The following LARP4B variants were observed in gnomAD, a reference collection of about 807,000 sequenced individuals.
LARP4B encodes La ribonucleoprotein 4B.
A neutral mutation model predicts 89.8 loss-of-function variants in LARP4B; 12 were observed. The ratio of observed to expected loss-of-function variants is 0.13; its 90% CI spans 0.09 to 0.22. LARP4B has a LOEUF of 0.22. Ranked by LOEUF, LARP4B falls within the 10% of genes least tolerant of loss-of-function variation. The pLI is 1.00. For synonymous variants in LARP4B, 367 were observed against 363.3 expected (o/e 1.01, Z -0.12); for missense variants, 757 against 947.7 (o/e 0.80, Z 2.64).
intron 3 of LARP4B, among the ~76,000 whole-genome samples, chr10:874,848 A>T (rs1300934119): frequency 6.6e-6 from 1 of 152,226 alleles, no homozygotes; most frequent in African/African-American, 2.4e-5. Flanking sequence ...CATCATAATG[A>T]TTATGATGAT....
chr10:864,235 A>G lies in LARP4B; in HGVS notation c.177T>C (p.Asn59=). Residue 59 remains asparagine, a synonymous_variant, in exon 4 of 18, where the codon AAT becomes AAC. Transcript: ENST00000316157. ...PATKVSELNP[N]AEVWGAPVLH... is the part of the protein sequence containing the mutation. ...ACACAGGAGCCCCCCACACTTCTGC[A>G]TTAGGGTTCAGCTCTGAAACCTTAG... 1.2e-6 allele frequency: 2 copies of G among 1,614,224 alleles called. No individual in the cohort carries two copies. Among genetic ancestry groups the G allele is most frequent in the Non-Finnish European group, 1.7e-6 (2 of 1,180,036 alleles).
intron 1 of LARP4B, among the ~76,000 whole-genome samples, chr10:888,255 G>A (rs61830933): frequency 0.11 from 16,067 of 152,000 alleles, 1,136 homozygotes; most frequent in Non-Finnish European, 0.16. Context: ...GAGAGAGACA[G>A]AGGTTGCAGT....
the LARP4B span, among the ~76,000 whole-genome samples, chr10:939,090 C>T: frequency 1.3e-4 from 20 of 152,190 alleles, no homozygotes; most frequent in Non-Finnish European, 2.6e-4. Context: ...GATTTTAATT[C>T]GTCATAGACA....
At chr10:944,529 A>G in the LARP4B span, among the ~76,000 whole-genome samples, 1 of 152,158 alleles carries the variant, frequency 6.6e-6, no homozygotes, top group Non-Finnish European at 1.5e-5. Context: ...ATGCTGCTGT[A>G]GGTATGAAGA....
chr10:855,537 G>A (rs554480171), intron 5 of LARP4B, among the ~76,000 whole-genome samples: 4 of 152,206 alleles, frequency 2.6e-5, no homozygotes, highest in South Asian at 4.2e-4. Flanking sequence ...GAACACACAC[G>A]TCATTTATAT....
chr10:946,255 C>A, the LARP4B span, among the ~76,000 whole-genome samples: 1 of 152,196 alleles, frequency 6.6e-6, no homozygotes, highest in African/African-American at 2.4e-5. Context: ...ATAAAAATGA[C>A]CTTTTAAACA....
chr10:912,959 T>C (rs1029594071), intron 1 of LARP4B, among the ~76,000 whole-genome samples: 7 of 152,234 alleles, frequency 4.6e-5, no homozygotes, highest in Non-Finnish European at 1.0e-4. Context: ...TCTCCCTTCC[T>C]GCACTCAAGC....
chr10:833,707 T>C (rs573703742), intron 8 of LARP4B, among the ~76,000 whole-genome samples: 16 of 152,128 alleles, frequency 1.1e-4, no homozygotes, highest in African/African-American at 3.1e-4. Context: ...CTGGCCAACA[T>C]TGTGAAACTC....
chr10:971,768 G>C, the LARP4B span: 1 of 152,420 alleles, frequency 6.6e-6, no homozygotes, highest in African/African-American at 2.4e-5. Flanking sequence ...TCTATTTGCT[G>C]AGGGCGCTTC....
chr10:951,247 T>C, the LARP4B span, among the ~76,000 whole-genome samples: 5 of 152,166 alleles, frequency 3.3e-5, no homozygotes, highest in Non-Finnish European at 4.4e-5. Flanking sequence ...CCTTTATTTC[T>C]ATTTTTTAAC....
chr10:815,048 A>T lies in LARP4B; in HGVS notation c.1718T>A (p.Val573Glu), dbSNP rs1451387602. 32 of 1,597,028 alleles carry T rather than the reference A, an allele frequency of 2.0e-5. No homozygotes were observed. Among genetic ancestry groups the T allele is most frequent in the Non-Finnish European group, 2.6e-5 (31 of 1,169,862 alleles). ...GGAGACCACTACAGGAAGGGTGTTCACGCTTGCGTCTGCACTGAGGGTCTG... is the reference window on the plus strand; with the variant it reads ...GGAGACCACTACAGGAAGGGTGTTCTCGCTTGCGTCTGCACTGAGGGTCTG... ...KERTLSADASVNTLPVVVSRE... is the reference protein window; with the variant it reads ...KERTLSADASENTLPVVVSRE... Residue 573 changes from valine to glutamate, a missense_variant, in exon 16 of 18, where the codon GTG becomes GAG. Physicochemically the swap from Val to Glu is moderately radical, Grantham distance 121. Coordinates refer to ENST00000316157, the MANE Select transcript of LARP4B (RefSeq NM_015155.3).
the LARP4B span, among the ~76,000 whole-genome samples, chr10:955,889 A>C: frequency 6.6e-6 from 1 of 151,368 alleles, no homozygotes; most frequent in African/African-American, 2.4e-5. This position sits in a 1 kb window ranked among gnomAD's most constrained non-coding sequence, Gnocchi z 5.2. Context: ...TCCTCCTCTC[A>C]CTCCCACCTG....
In LARP4B at chr10:862,267, A is replaced by AC. The variant is rs950008646; in HGVS notation, c.430+1475_430+1476insG. On this transcript the variant is annotated intron_variant, in intron 5 of 17. Coordinates refer to ENST00000316157, the MANE Select transcript of LARP4B (RefSeq NM_015155.3). ...AGCTCCACTGAAGTTAAAAAAAAAA[A>AC]AAAAAAAAAAAAAACAACCGTCACA... 6.0e-5 allele frequency among the ~76,000 whole-genome samples: 9 copies of AC among 149,284 alleles called. 1 individual carries two copies. The highest frequency in any genetic ancestry group is 5.8e-4 in the East Asian group (3 of 5,190).
chr10:847,152 G>C (rs2131751622), intron 5 of LARP4B, among the ~76,000 whole-genome samples: 1 of 152,288 alleles, frequency 6.6e-6, no homozygotes, highest in South Asian at 2.1e-4. Flanking sequence ...ACAGCAAGCA[G>C]ACAGCTGAAG....
chr10:862,218 A>G (rs1294943968), intron 5 of LARP4B, among the ~76,000 whole-genome samples: 2 of 148,980 alleles, frequency 1.3e-5, no homozygotes, highest in African/African-American at 5.0e-5. Context: ...GATTCATTTT[A>G]CCAAACAATT....
intron 5 of LARP4B, among the ~76,000 whole-genome samples, chr10:846,569 C>T (rs941653664): frequency 7.2e-5 from 11 of 152,078 alleles, no homozygotes; most frequent in Admixed American, 6.5e-4. Flanking sequence ...GTGACAGACA[C>T]AGTAAGAAAT....
chr10:829,817 A>G (rs1588872732), intron 9 of LARP4B, 83 bp from the exon 10 acceptor site: 2 of 885,178 alleles, frequency 2.3e-6, no homozygotes, highest in Non-Finnish European at 3.8e-6. Flanking sequence ...TAGCTCAAAT[A>G]GGGAAATATA....
chr10:848,175 C>A (rs1253242725), intron 5 of LARP4B, among the ~76,000 whole-genome samples: 9 of 152,108 alleles, frequency 5.9e-5, no homozygotes, highest in African/African-American at 2.2e-4. Context: ...CCCTCCCCAC[C>A]AGAAACTCTT....
At chr10:946,707 T>C in the LARP4B span, among the ~76,000 whole-genome samples, 2 of 152,208 alleles carry the variant, frequency 1.3e-5, no homozygotes, top group African/African-American at 4.8e-5. Flanking sequence ...TAGAAACTAT[T>C]CTGTGACTGA....
Sources: allele counts gnomAD v4.1 joint callset (sites outside exome capture counted in the v4.1 genomes callset), GRCh38; gene constraint gnomAD v4.1.1; non-coding constraint Gnocchi (gnomAD v3.1); transcripts MANE v1.5; gene names NCBI Gene and HGNC (gene_info 2026-07-23, HGNC 2026-07-21).